The following PLBD1 variants were observed in gnomAD, a reference collection of about 807,000 sequenced individuals.
The protein encoded by PLBD1 is phospholipase B domain containing 1, also known as lysosomal leucine aminopeptidase.
Under a neutral mutation model 63.0 loss-of-function variants are expected in PLBD1, and 60 were observed. The ratio of observed to expected loss-of-function variants is 0.95; its 90% CI spans 0.77 to 1.18. The LOEUF (loss-of-function observed/expected upper bound fraction) is 1.18, where lower values mean the gene tolerates loss of function less well. Among genes scored for constraint, PLBD1 ranks in the 50% most tolerant of loss-of-function variants. The pLI, the probability that PLBD1 is intolerant of heterozygous loss-of-function variation, is 0.00. For missense variants in PLBD1, 598 were observed against 677.9 expected, an observed-to-expected ratio of 0.88 and a Z score of 1.31; for synonymous variants, 262 against 248.0, an observed-to-expected ratio of 1.06 and a Z score of -0.53.
chr12:14,567,640 C>A lies in PLBD1; in HGVS notation c.57G>T (p.Leu19=), dbSNP rs1177661049. The A allele has an allele frequency of 3.4e-6, 5 of 1,476,624 alleles. No individual in the cohort carries two copies. The highest frequency in any genetic ancestry group is 1.6e-5 in the African/African-American group (1 of 63,398). 91.5% of individuals were successfully genotyped at this position (1,476,624 alleles called of 1,614,324 possible). The stretch of plus-strand genomic sequence containing the variant: ...ACAGCGGCAGCAGCAGCAGCAGCAG[C>A]AGAAGCGGTGGCGGCTGTGGCAGCC... ...RPGLPQPPPL[L]LLLLLLPLLL... is the part of the protein sequence containing the mutation. Residue 19 remains leucine, a synonymous_variant, in exon 1 of 11, where the codon CTG becomes CTT. Transcript: ENST00000240617.
At chr12:14,554,053 A>G (rs1458026323) in intron 1 of PLBD1, 1 of 153,332 alleles carries the variant, frequency 6.5e-6, no homozygotes, top group African/African-American at 2.4e-5. Context: ...CAGGTGGAAC[A>G]AAACATCACC....
At chr12:14,511,481 G>A in intron 7 of PLBD1, 30 bp downstream of exon 7, 1 of 1,614,000 alleles carries the variant, frequency 6.2e-7, no homozygotes, top group Non-Finnish European at 8.5e-7. Flanking sequence ...ATATGTCTGT[G>A]CCTAACAGTT....
intron 6 of PLBD1, among the ~76,000 whole-genome samples, chr12:14,521,130 C>T (rs1420586339): frequency 6.6e-6 from 1 of 152,130 alleles, no homozygotes; most frequent in African/African-American, 2.4e-5. Context: ...TTCCTATCCA[C>T]CAGGAATAAG....
intron 6 of PLBD1, among the ~76,000 whole-genome samples, chr12:14,520,667 T>G (rs555078148): frequency 1.3e-5 from 2 of 152,282 alleles, no homozygotes; most frequent in East Asian, 3.9e-4. Context: ...CATGGAGACT[T>G]GGGATGGCTG....
At chr12:14,512,329 A>G (rs932422197) in intron 6 of PLBD1, among the ~76,000 whole-genome samples, 1 of 151,872 alleles carries the variant, frequency 6.6e-6, no homozygotes, top group African/African-American at 2.4e-5. Flanking sequence ...TTGTATTTTT[A>G]GTAGAGACCG....
In PLBD1 at chr12:14,503,991, A is replaced by T. The variant is rs1296583991; in HGVS notation, c.1480-37T>A. 3 of 1,553,582 alleles carry T rather than the reference A, an allele frequency of 1.9e-6. No individual in the cohort carries two copies. In the South Asian group the frequency reaches 3.5e-5, roughly 18 times the overall value. On this transcript the variant is annotated intron_variant, in intron 10 of 10. Transcript: ENST00000240617. ...GAGGAGGAGGACATTTTAGAAAATCATCGTTCAGCAAAAAATTAAATCCAT... is the reference window on the plus strand; with the variant it reads ...GAGGAGGAGGACATTTTAGAAAATCTTCGTTCAGCAAAAAATTAAATCCAT...
chr12:14,506,916 A>G lies in PLBD1; in HGVS notation c.1372+17T>C, dbSNP rs1031730236. The G allele has an allele frequency of 6.3e-7, 1 of 1,599,914 alleles. No individual in the cohort carries two copies. Among genetic ancestry groups the G allele is most frequent in the Admixed American group, 1.7e-5 (1 of 59,412 alleles). ...AAGGAGTTTTGAAGAATGATTCTTG[A>G]GAAATATGCTACGTACTGTTGTATC... On this transcript the variant is annotated intron_variant, in intron 9 of 10. Transcript: ENST00000240617.
At chr12:14,548,729 A>G (rs1009819005) in intron 2 of PLBD1, among the ~76,000 whole-genome samples, 1 of 152,194 alleles carries the variant, frequency 6.6e-6, no homozygotes, top group Admixed American at 6.5e-5. Context: ...TTGCCTTTGA[A>G]GAATGTAGTC....
At chr12:14,543,449 T>C (rs1380462026) in intron 2 of PLBD1, among the ~76,000 whole-genome samples, 1 of 152,190 alleles carries the variant, frequency 6.6e-6, no homozygotes, top group East Asian at 1.9e-4. Flanking sequence ...CCGAGCACGA[T>C]GGTTCACACT....
At chr12:14,524,217 A>G (rs1945399577) in intron 6 of PLBD1, among the ~76,000 whole-genome samples, 1 of 152,118 alleles carries the variant, frequency 6.6e-6, no homozygotes, top group Non-Finnish European at 1.5e-5. Flanking sequence ...ATAGAAGGAG[A>G]AAGTTGCGGT....
At chr12:14,560,607 C>T (rs1945737422) in intron 1 of PLBD1, among the ~76,000 whole-genome samples, 2 of 152,110 alleles carry the variant, frequency 1.3e-5, no homozygotes, top group South Asian at 4.1e-4. Context: ...AAATTGATAC[C>T]TGGTTTTTGG....
chr12:14,542,122 A>T (rs1945577158), intron 3 of PLBD1, 86 bp downstream of exon 3: 9 of 1,158,260 alleles, frequency 7.8e-6, no homozygotes, highest in Non-Finnish European at 1.2e-5. Context: ...ATTAAAAAGA[A>T]ATTGGCAAAA....
intron 2 of PLBD1, among the ~76,000 whole-genome samples, chr12:14,551,069 T>G (rs1945655035): frequency 6.8e-6 from 1 of 146,840 alleles, no homozygotes; most frequent in African/African-American, 2.5e-5. Flanking sequence ...AAATAAAATT[T>G]CTGCTTTAAT....
intron 1 of PLBD1, among the ~76,000 whole-genome samples, chr12:14,560,391 G>C (rs1945736250): frequency 6.6e-6 from 1 of 152,130 alleles, no homozygotes; most frequent in South Asian, 2.1e-4. Context: ...AAAAGAGAAA[G>C]AAATGAGAAA....
intron 1 of PLBD1, among the ~76,000 whole-genome samples, chr12:14,566,224 C>T (rs1945779992): frequency 6.6e-6 from 1 of 152,178 alleles, no homozygotes; most frequent in Non-Finnish European, 1.5e-5. Context: ...AAGGCCACCT[C>T]CATAGTTTAG....
intron 1 of PLBD1, among the ~76,000 whole-genome samples, chr12:14,558,485 T>C (rs1010675773): frequency 6.6e-6 from 1 of 152,064 alleles, no homozygotes; most frequent in Admixed American, 6.6e-5. Context: ...TTCTCACACA[T>C]TCCCTTCCAC....
intron 6 of PLBD1, among the ~76,000 whole-genome samples, chr12:14,515,434 G>T (rs1485156447): frequency 6.6e-6 from 1 of 151,678 alleles, no homozygotes; most frequent in South Asian, 2.1e-4. Context: ...ATTAAGTGCT[G>T]CAAAATCCAT....
chr12:14,519,215 C>T (rs1374328076), intron 6 of PLBD1, among the ~76,000 whole-genome samples: 1 of 151,970 alleles, frequency 6.6e-6, no homozygotes, highest in East Asian at 1.9e-4. Context: ...AGTCTTAACC[C>T]CTAGTACCTG....
intron 4 of PLBD1, among the ~76,000 whole-genome samples, chr12:14,539,465 A>G (rs1945547769): frequency 6.6e-6 from 1 of 151,660 alleles, no homozygotes; most frequent in South Asian, 2.1e-4. Context: ...TTTAAAATCT[A>G]CCTTTTTTGA....
Sources: allele counts gnomAD v4.1 joint callset (sites outside exome capture counted in the v4.1 genomes callset), GRCh38; gene constraint gnomAD v4.1.1; transcripts MANE v1.5; gene names NCBI Gene and HGNC (gene_info 2026-07-23, HGNC 2026-07-21).